The following ROCK1 variants were observed in gnomAD, a reference collection of about 807,000 sequenced individuals.
ROCK1 encodes the protein rho-associated protein kinase 1.
Under a neutral mutation model 196.8 loss-of-function variants are expected in ROCK1, and 36 were observed. The observed-to-expected ratio is 0.18, with a 90% CI of 0.14 to 0.24. The LOEUF is 0.24. ROCK1 is among the 10% of genes least tolerant of loss of function. The pLI is 1.00. For synonymous variants in ROCK1, 443 were observed against 515.9 expected (o/e 0.86, Z 1.91); for missense variants, 920 against 1,562.0 (o/e 0.59, Z 6.93).
At chr18:20,989,904 GATAA>G (rs1223536706) in intron 18 of ROCK1, among the ~76,000 whole-genome samples, 1 of 151,974 alleles carries the variant, frequency 6.6e-6, no homozygotes, top group Non-Finnish European at 1.5e-5. Flanking sequence ...GGAAACTTAA[GATAA>G]ATAAAAATCT....
intron 32 of ROCK1, among the ~76,000 whole-genome samples, chr18:20,952,483 A>G (rs2035198837): frequency 6.6e-6 from 1 of 151,950 alleles, no homozygotes; most frequent in Admixed American, 6.6e-5. Flanking sequence ...AAGTCCATCA[A>G]AAATAGTTAA....
intron 22 of ROCK1, among the ~76,000 whole-genome samples, chr18:20,979,236 G>A (rs577926295): frequency 1.5e-4 from 23 of 152,090 alleles, no homozygotes; most frequent in Non-Finnish European, 3.1e-4. Context: ...GCCATAACCT[G>A]CATAGTAATC....
At chr18:21,094,613 G>C (rs2036597337) in intron 1 of ROCK1, among the ~76,000 whole-genome samples, 1 of 151,582 alleles carries the variant, frequency 6.6e-6, no homozygotes, top group Admixed American at 6.6e-5. Flanking sequence ...GCCGGGCATG[G>C]TGGCACGCAC....
chr18:21,017,321 A>G (rs1392071233), intron 12 of ROCK1, among the ~76,000 whole-genome samples: 5 of 150,378 alleles, frequency 3.3e-5, no homozygotes, highest in Non-Finnish European at 5.9e-5. Flanking sequence ...CCTCCCGAGT[A>G]GCTGGGACTA....
At position 20,953,638 on chromosome 18, in the gene ROCK1, G is replaced by C; in HGVS notation, c.4001C>G (p.Thr1334Arg). The C allele has an allele frequency of 6.2e-7, 1 of 1,612,596 alleles. No homozygotes were observed. Among genetic ancestry groups the C allele is most frequent in the Non-Finnish European group, 8.5e-7 (1 of 1,179,608 alleles). Reference protein sequence around the residue: ...FVRASPRTLSTRSTANQSFRK... With the variant: ...FVRASPRTLSRRSTANQSFRK... Reference sequence around the variant, plus strand: ...GAAAGACTGATTTGCAGTGGATCTTGTAGAAAGCGTTCGAGGGGAAGCACG... The same window carrying C: ...GAAAGACTGATTTGCAGTGGATCTTCTAGAAAGCGTTCGAGGGGAAGCACG... Residue 1334 changes from threonine to arginine, a missense_variant, in exon 32 of 33, where the codon ACA becomes AGA. Thr to Arg is a moderately conservative substitution (Grantham distance 71). Coordinates refer to ENST00000399799, the MANE Select transcript of ROCK1 (RefSeq NM_005406.3).
chr18:21,020,731 G>T (rs1023697312), intron 11 of ROCK1, among the ~76,000 whole-genome samples: 24 of 152,172 alleles, frequency 1.6e-4, no homozygotes, highest in Admixed American at 2.6e-4. Context: ...ATTTTAGCTA[G>T]AATGAACAAT....
chr18:21,034,623 T>C (rs1221205782), intron 9 of ROCK1, among the ~76,000 whole-genome samples: 1 of 152,212 alleles, frequency 6.6e-6, no homozygotes, highest in Non-Finnish European at 1.5e-5. Context: ...GGACCCTTAC[T>C]ATACACTATA....
intron 1 of ROCK1, among the ~76,000 whole-genome samples, chr18:21,077,693 G>C (rs1435983596): frequency 6.6e-6 from 1 of 152,014 alleles, no homozygotes; most frequent in Admixed American, 6.6e-5. Flanking sequence ...GGCAAAAAAA[G>C]CATGCTAAGG....
Position 20,991,244 on chromosome 18 carries a change from T to C in ROCK1, c.2075A>G (p.Lys692Arg). ...GTCAGTTAAACGAGCTTTGGTTACT[T>C]TGTGTTCATTTACCTCTTGTTCTAA... is the stretch of plus-strand genomic sequence containing the variant. ...QRLEQEVNEH[K>R]VTKARLTDKH... Residue 692 changes from lysine to arginine, a missense_variant, in exon 18 of 33, where the codon AAA becomes AGA. Around this residue, in one of 6 missense-constraint regions of ROCK1, gnomAD observed 520 missense variants for 657.1 expected, o/e 0.79. Coordinates refer to ENST00000399799, the MANE Select transcript of ROCK1 (RefSeq NM_005406.3). 2 of 1,612,748 alleles carry C rather than the reference T, an allele frequency of 1.2e-6. No individual in the cohort carries two copies. The highest frequency in any genetic ancestry group is 1.7e-6 in the Non-Finnish European group (2 of 1,179,062).
chr18:21,110,332 A>G (rs2036739472), intron 1 of ROCK1, among the ~76,000 whole-genome samples: 1 of 152,208 alleles, frequency 6.6e-6, no homozygotes, highest in African/African-American at 2.4e-5. Flanking sequence ...TTTTGGCTCA[A>G]AAATCACTTC....
chr18:21,003,611 G>T (rs1043544718), intron 16 of ROCK1, among the ~76,000 whole-genome samples: 1 of 152,122 alleles, frequency 6.6e-6, no homozygotes, highest in Non-Finnish European at 1.5e-5. Context: ...AAATAATTCA[G>T]TGTCAGAGGA....
At chr18:21,013,094 C>A (rs2143449031) in intron 13 of ROCK1, among the ~76,000 whole-genome samples, 1 of 152,246 alleles carries the variant, frequency 6.6e-6, no homozygotes, top group East Asian at 1.9e-4. Context: ...ACATCTGTGT[C>A]ATCTCAGCAT....
At chr18:21,110,674 T>TC (rs2036743048) in intron 1 of ROCK1, 144 bp downstream of exon 1, 1 of 710,676 alleles carries the variant, frequency 1.4e-6, no homozygotes, top group Non-Finnish European at 2.5e-6. Context: ...TTAATGGTAC[T>TC]CCAAGATTCT....
chr18:20,975,384 G>A (rs1568372425), intron 22 of ROCK1, among the ~76,000 whole-genome samples: 1 of 152,102 alleles, frequency 6.6e-6, no homozygotes, highest in African/African-American at 2.4e-5. Context: ...TGACTAATTG[G>A]TTTGTTGAAT....
At chr18:21,053,924 G>A (rs2036225835) in intron 2 of ROCK1, among the ~76,000 whole-genome samples, 1 of 152,172 alleles carries the variant, frequency 6.6e-6, no homozygotes, top group Non-Finnish European at 1.5e-5. Context: ...ATAAAATGTT[G>A]TGATATGGTG....
At chr18:21,015,511 T>A in intron 12 of ROCK1, 32 bp from the exon 13 acceptor site, 1 of 1,355,016 alleles carries the variant, frequency 7.4e-7, no homozygotes, top group Non-Finnish European at 1.0e-6. Context: ...AGATTAGAAA[T>A]ATACGTATTT....
chr18:21,081,685 C>T (rs2143570617), intron 1 of ROCK1, among the ~76,000 whole-genome samples: 1 of 152,188 alleles, frequency 6.6e-6, no homozygotes, highest in South Asian at 2.1e-4. Flanking sequence ...TGACGACATT[C>T]CTATCAATTC....
chr18:21,045,666 T>C (rs2036149369), intron 4 of ROCK1, among the ~76,000 whole-genome samples, 199 bp from the exon 5 acceptor site: 1 of 152,154 alleles, frequency 6.6e-6, no homozygotes, highest in Non-Finnish European at 1.5e-5. Context: ...AACATAATTA[T>C]TCAGAAGAGT....
chr18:20,962,149 C>T (rs1295755894), intron 27 of ROCK1, among the ~76,000 whole-genome samples: 1 of 152,060 alleles, frequency 6.6e-6, no homozygotes, highest in African/African-American at 2.4e-5. Context: ...ATAGTGGTTC[C>T]AGTTTAAAAA....
Sources: gnomAD v4.1 joint callset for allele counts (sites outside exome capture counted in the v4.1 genomes callset) on GRCh38, gnomAD v4.1.1 for gene constraint, gnomAD v4.1.1 regional missense constraint, MANE v1.5 for transcripts, NCBI Gene and HGNC (gene_info 2026-07-23, HGNC 2026-07-21) for gene names.